The following NKAIN2 variants were observed in gnomAD, a reference collection of about 807,000 sequenced individuals.
NKAIN2 encodes the protein sodium/potassium-transporting ATPase subunit beta-1-interacting protein 2.
Under a neutral mutation model 32.6 loss-of-function variants are expected in NKAIN2, and 14 were observed. That is an observed-to-expected ratio of 0.43 (90% confidence interval 0.28 to 0.67). The LOEUF (loss-of-function observed/expected upper bound fraction) is 0.67, where lower values mean the gene tolerates loss of function less well. Ranked by LOEUF, NKAIN2 falls within the 30% of genes least tolerant of loss-of-function variation. NKAIN2 has a pLI of 0.17. For missense variants in NKAIN2, 198 were observed against 258.3 expected (o/e 0.77, Z 1.60); for synonymous variants, 80 against 87.2 (o/e 0.92, Z 0.46).
intron 4 of NKAIN2, among the ~76,000 whole-genome samples, chr6:124,718,166 C>T (rs572293248): frequency 9.9e-5 from 15 of 152,216 alleles, no homozygotes; most frequent in East Asian, 9.7e-4. Context: ...GCAACCATCA[C>T]AACAATCTAA....
intron 1 of NKAIN2, among the ~76,000 whole-genome samples, chr6:124,127,035 T>A (rs1786205580): frequency 1.3e-5 from 2 of 152,182 alleles, no homozygotes. Flanking sequence ...TGATATGATA[T>A]GTTTCTGAAT....
At chr6:124,256,535 C>A (rs1193103017) in intron 1 of NKAIN2, among the ~76,000 whole-genome samples, 1 of 152,146 alleles carries the variant, frequency 6.6e-6, no homozygotes, top group Non-Finnish European at 1.5e-5. Flanking sequence ...CATCCTAAAT[C>A]TGATAGTTCT....
chr6:123,807,197 C>T (rs12171564), intron 1 of NKAIN2, among the ~76,000 whole-genome samples: 2,738 of 152,122 alleles, frequency 0.018, 80 homozygotes, highest in African/African-American at 0.062. Flanking sequence ...AAACAAGAAA[C>T]TAGAATTCCA....
Position 124,595,780 on chromosome 6 carries a change from C to T in NKAIN2, c.274-62406C>T, listed in dbSNP as rs551591948. On this transcript the variant is annotated intron_variant, in intron 3 of 6. Coordinates refer to ENST00000368417, the MANE Select transcript of NKAIN2 (RefSeq NM_001040214.3). ...CCACCCCTACAAATATTAAGTAGTG[C>T]AGCGATTACAGCAGAGACAGCATAC... Among the ~76,000 whole-genome samples, 87 of 152,252 alleles carry T rather than the reference C, an allele frequency of 5.7e-4. 1 individual carries two copies. The highest frequency in any genetic ancestry group is 2.0e-3 in the African/African-American group (85 of 41,544).
chr6:124,437,992 G>C lies in NKAIN2; in HGVS notation c.273+82645G>C, dbSNP rs544232832. 19 of 403,956 alleles carry C rather than the reference G, an allele frequency of 4.7e-5. 1 individual carries two copies. The highest frequency in any genetic ancestry group is 3.3e-4 in the South Asian group (18 of 54,696). 25.0% of individuals were successfully genotyped at this position (403,956 alleles called of 1,614,324 possible). The stretch of plus-strand genomic sequence containing the variant: ...GCTCCTTATATCTGGAAATACAGAG[G>C]CATGTGGATATAGCAAGAAAGCCCA... On this transcript the variant is annotated intron_variant, in intron 3 of 6. Transcript: ENST00000368417.
chr6:124,222,707 A>G (rs1791897458), intron 1 of NKAIN2, among the ~76,000 whole-genome samples: 1 of 152,154 alleles, frequency 6.6e-6, no homozygotes, highest in Non-Finnish European at 1.5e-5. Context: ...GAGGCCAGTG[A>G]GGTGGAAAGA....
chr6:124,164,555 A>G (rs1238042731), intron 1 of NKAIN2, among the ~76,000 whole-genome samples: 1 of 152,086 alleles, frequency 6.6e-6, no homozygotes, highest in Non-Finnish European at 1.5e-5. Context: ...GTCTAATTCG[A>G]TTCCAAGTTT....
At chr6:124,480,104 C>T (rs1889980) in intron 3 of NKAIN2, among the ~76,000 whole-genome samples, 69,967 of 152,026 alleles carry the variant, frequency 0.46, 16,767 homozygotes, top group South Asian at 0.61. Flanking sequence ...AGGTCATTTG[C>T]TTTTTAGTTC....
intron 1 of NKAIN2, among the ~76,000 whole-genome samples, chr6:124,039,902 AATGCTTCTTATTCACAAAGC>A: frequency 6.6e-6 from 1 of 152,098 alleles, no homozygotes; most frequent in Middle Eastern, 3.4e-3. Flanking sequence ...CTTTAACAAG[AATGCTTCTTATTCACAAAGC>A]ATGCTTCTAG....
At chr6:124,504,502 A>C (rs530637936) in intron 3 of NKAIN2, among the ~76,000 whole-genome samples, 6 of 152,328 alleles carry the variant, frequency 3.9e-5, no homozygotes, top group African/African-American at 1.4e-4. Flanking sequence ...AGATAGTAGA[A>C]GAATAACTCA....
At chr6:124,523,378 C>T (rs939308180) in intron 3 of NKAIN2, among the ~76,000 whole-genome samples, 6 of 151,778 alleles carry the variant, frequency 4.0e-5, no homozygotes, top group South Asian at 2.1e-4. Flanking sequence ...CATGATTTTT[C>T]GGCAAATTAT....
At chr6:123,963,545 A>AT (rs1562280681) in intron 1 of NKAIN2, among the ~76,000 whole-genome samples, 1 of 152,226 alleles carries the variant, frequency 6.6e-6, no homozygotes, top group Non-Finnish European at 1.5e-5. Flanking sequence ...TAAAATGAAC[A>AT]TAAAAATTGC....
chr6:124,693,763 A>G (rs1774366849), intron 4 of NKAIN2, among the ~76,000 whole-genome samples: 1 of 152,190 alleles, frequency 6.6e-6, no homozygotes, highest in South Asian at 2.1e-4. Flanking sequence ...AGAGGAAGCC[A>G]AAGAGGTTCC....
chr6:123,918,360 CT>C (rs762793639), intron 1 of NKAIN2, among the ~76,000 whole-genome samples: 12 of 152,164 alleles, frequency 7.9e-5, no homozygotes, highest in Non-Finnish European at 1.5e-4. Flanking sequence ...AGGAAATACT[CT>C]CTTAGTATTT....
intron 1 of NKAIN2, among the ~76,000 whole-genome samples, chr6:124,068,218 G>A (rs1236641216): frequency 6.6e-6 from 1 of 152,018 alleles, no homozygotes; most frequent in East Asian, 1.9e-4. Flanking sequence ...AAAGAAGTTT[G>A]TTTTAGTAGC....
intron 5 of NKAIN2, among the ~76,000 whole-genome samples, chr6:124,806,929 G>A (rs968388951): frequency 6.6e-6 from 1 of 152,150 alleles, no homozygotes; most frequent in Non-Finnish European, 1.5e-5. Flanking sequence ...AATTCAACAA[G>A]AAGAGCTAAC....
At chr6:124,151,362 C>A (rs1161313132) in intron 1 of NKAIN2, among the ~76,000 whole-genome samples, 1 of 151,956 alleles carries the variant, frequency 6.6e-6, no homozygotes, top group Non-Finnish European at 1.5e-5. Flanking sequence ...ATAACAACGT[C>A]CCATATCAAG....
chr6:124,779,269 G>C (rs1428031264), intron 4 of NKAIN2, among the ~76,000 whole-genome samples: 1 of 128,560 alleles, frequency 7.8e-6, no homozygotes, highest in Non-Finnish European at 1.6e-5. Flanking sequence ...GAGAGAGAGA[G>C]AGAGAGAGAG....
At chr6:123,882,851 A>G (rs994103402) in intron 1 of NKAIN2, among the ~76,000 whole-genome samples, 4 of 152,234 alleles carry the variant, frequency 2.6e-5, no homozygotes, top group Admixed American at 2.0e-4. Context: ...CAAAATATGT[A>G]GATGTAGTTG....
Sources: gnomAD v4.1 joint callset for allele counts (sites outside exome capture counted in the v4.1 genomes callset) on GRCh38, gnomAD v4.1.1 for gene constraint, MANE v1.5 for transcripts, NCBI Gene and HGNC (gene_info 2026-07-23, HGNC 2026-07-21) for gene names.